Variants in SGMS1 observed in about 807,000 individuals in gnomAD.
The protein encoded by SGMS1 is phosphatidylcholine:ceramide cholinephosphotransferase 1.
SGMS1 carries 13 observed loss-of-function variants against 46.2 expected under a neutral mutation model. That is an observed-to-expected ratio of 0.28 (90% confidence interval 0.18 to 0.45). SGMS1 has a LOEUF of 0.45. SGMS1 is among the 20% of genes least tolerant of loss of function. SGMS1 has a pLI of 1.00. For missense variants in SGMS1, 324 were observed against 519.9 expected (o/e 0.62, Z 3.66); for synonymous variants, 203 against 187.8 (o/e 1.08, Z -0.66).
intron 6 of SGMS1, among the ~76,000 whole-genome samples, chr10:50,377,677 C>A (rs1848538990): frequency 6.6e-6 from 1 of 152,242 alleles, no homozygotes; most frequent in African/African-American, 2.4e-5. Flanking sequence ...AACAAATAAC[C>A]ACAAACTGGG....
At chr10:50,543,460 G>GA (rs1838073643) in intron 2 of SGMS1, among the ~76,000 whole-genome samples, 1 of 152,206 alleles carries the variant, frequency 6.6e-6, no homozygotes, top group South Asian at 2.1e-4. Context: ...CAAGAGCGTA[G>GA]GCTAAGAAAC....
At chr10:50,609,966 G>A (rs1037701228) in intron 1 of SGMS1, among the ~76,000 whole-genome samples, 42 of 152,288 alleles carry the variant, frequency 2.8e-4, no homozygotes, top group African/African-American at 9.4e-4. Context: ...GTACCCATCA[G>A]ACACAGAAAT....
intron 5 of SGMS1, among the ~76,000 whole-genome samples, chr10:50,448,757 A>AAAAAAAAAAAT (rs1564916664): frequency 7.1e-6 from 1 of 140,662 alleles, no homozygotes. Flanking sequence ...AAAAAAAAAA[A>AAAAAAAAAAAT]AAAAGAATGA....
chr10:50,560,313 A>G (rs11006134), intron 2 of SGMS1, among the ~76,000 whole-genome samples: 6,434 of 138,692 alleles, frequency 0.046, 476 homozygotes, highest in African/African-American at 0.16. Flanking sequence ...TATATTACAT[A>G]TTATTAATAT....
At chr10:50,578,755 T>C (rs1276569906) in intron 2 of SGMS1, among the ~76,000 whole-genome samples, 1 of 152,198 alleles carries the variant, frequency 6.6e-6, no homozygotes, top group Non-Finnish European at 1.5e-5. Context: ...TGAACACACA[T>C]ATTCAGCTTC....
chr10:50,440,502 A>G (rs1849530763), intron 5 of SGMS1, among the ~76,000 whole-genome samples: 1 of 152,178 alleles, frequency 6.6e-6, no homozygotes. Context: ...ATTTAAATGC[A>G]TCTGAATGCT....
chr10:50,591,305 G>A (rs960980472), intron 1 of SGMS1, among the ~76,000 whole-genome samples: 3 of 152,036 alleles, frequency 2.0e-5, no homozygotes, highest in Non-Finnish European at 4.4e-5. Flanking sequence ...CTGACCCCAA[G>A]CCCTGGGCTT....
intron 6 of SGMS1, among the ~76,000 whole-genome samples, chr10:50,368,740 T>C (rs1427329342): frequency 2.0e-5 from 3 of 152,236 alleles, no homozygotes; most frequent in East Asian, 3.8e-4. Context: ...AATTAATCAA[T>C]GACCACTGAA....
chr10:50,575,627 G>C (rs1324998184), intron 2 of SGMS1, among the ~76,000 whole-genome samples: 1 of 151,858 alleles, frequency 6.6e-6, no homozygotes, highest in Non-Finnish European at 1.5e-5. Context: ...ACACACAAAG[G>C]ACACAGGAAA....
intron 3 of SGMS1, among the ~76,000 whole-genome samples, chr10:50,475,461 T>A (rs1201506191): frequency 1.3e-5 from 2 of 152,226 alleles, no homozygotes; most frequent in Non-Finnish European, 2.9e-5. Flanking sequence ...ACAGTCCATT[T>A]TAAAAATTAG....
intron 2 of SGMS1, among the ~76,000 whole-genome samples, chr10:50,550,988 T>G (rs899065976): frequency 1.3e-5 from 2 of 152,232 alleles, no homozygotes; most frequent in African/African-American, 4.8e-5. Flanking sequence ...AAACCTTCTG[T>G]GCAGAAGAAT....
At chr10:50,608,198 T>C (rs1393747349) in intron 1 of SGMS1, among the ~76,000 whole-genome samples, 7 of 152,238 alleles carry the variant, frequency 4.6e-5, no homozygotes, top group Non-Finnish European at 8.8e-5. Flanking sequence ...GATCAAAATG[T>C]GCATTTGGTG....
chr10:50,587,356 C>G (rs946373733), intron 2 of SGMS1, among the ~76,000 whole-genome samples: 1 of 152,132 alleles, frequency 6.6e-6, no homozygotes, highest in Non-Finnish European at 1.5e-5. Context: ...TGTCATTGGC[C>G]GGGCGTGGCA....
intron 3 of SGMS1, among the ~76,000 whole-genome samples, chr10:50,467,410 A>G (rs529112793): frequency 2.2e-4 from 25 of 114,744 alleles, no homozygotes; most frequent in African/African-American, 7.3e-4. Flanking sequence ...TAAGTGTATG[A>G]TCAAACAGCT....
In SGMS1 at chr10:50,520,662, T is replaced by C. The variant is rs1382747750; in HGVS notation, c.-588-741A>G. Among the ~76,000 whole-genome samples, 4 of 152,172 alleles carry C rather than the reference T, an allele frequency of 2.6e-5. No homozygotes were observed. The East Asian group carries it at 5.8e-4, about 22-fold the overall frequency. On this transcript the variant is annotated intron_variant, in intron 2 of 10. Coordinates refer to ENST00000361781, the MANE Select transcript of SGMS1 (RefSeq NM_147156.4). ...CACCATATAACAAAATAGTTTCAAC[T>C]TGAACAGCAATATTTATTCTTTCTT... is the stretch of plus-strand genomic sequence containing the variant.
At chr10:50,537,452 T>G (rs947509663) in intron 2 of SGMS1, among the ~76,000 whole-genome samples, 87 of 138,598 alleles carry the variant, frequency 6.3e-4, no homozygotes, top group Admixed American at 1.8e-3. Flanking sequence ...TATATATATA[T>G]AGATATATAT....
At chr10:50,491,304 G>C (rs965195483) in intron 3 of SGMS1, among the ~76,000 whole-genome samples, 1 of 152,208 alleles carries the variant, frequency 6.6e-6, no homozygotes, top group African/African-American at 2.4e-5. Flanking sequence ...AGTGAGCTAT[G>C]ACAGTATCAC....
chr10:50,383,598 A>G (rs1332402970), intron 6 of SGMS1, among the ~76,000 whole-genome samples: 1 of 152,172 alleles, frequency 6.6e-6, no homozygotes, highest in Admixed American at 6.5e-5. Context: ...TTTTAATTAC[A>G]ACACTTAATA....
intron 3 of SGMS1, among the ~76,000 whole-genome samples, chr10:50,500,083 G>T (rs1256616144): frequency 6.6e-6 from 1 of 152,184 alleles, no homozygotes; most frequent in South Asian, 2.1e-4. Flanking sequence ...CAAGAGGATC[G>T]CTTGAACCCG....
Sources: allele counts gnomAD v4.1 joint callset (sites outside exome capture counted in the v4.1 genomes callset), GRCh38; gene constraint gnomAD v4.1.1; transcripts MANE v1.5; gene names NCBI Gene and HGNC (gene_info 2026-07-23, HGNC 2026-07-21).